PARD3B: variants seen among roughly 807,000 people sequenced by gnomAD.
The protein encoded by PARD3B is partitioning defective 3 homolog B.
Under a neutral mutation model 130.2 loss-of-function variants are expected in PARD3B, and 103 were observed. The observed-to-expected ratio is 0.79, with a 90% CI of 0.67 to 0.93. PARD3B has a LOEUF of 0.93. Ranked by LOEUF, PARD3B falls within the 40% of genes least tolerant of loss-of-function variation. The pLI is 0.00. For synonymous variants in PARD3B, 583 were observed against 553.2 expected, an observed-to-expected ratio of 1.05 and a Z score of -0.76; for missense variants, 1,609 against 1,499.2, an observed-to-expected ratio of 1.07 and a Z score of -1.21.
chr2:205,272,173 G>A (rs1467788121), intron 16 of PARD3B, among the ~76,000 whole-genome samples: 2 of 149,776 alleles, frequency 1.3e-5, no homozygotes, highest in East Asian at 1.9e-4. Flanking sequence ...AAAAAAAAAA[G>A]AAGATGCTTT....
rs56187840 is a variant in PARD3B at position 205,596,202 on chromosome 2, A to T, written c.3261-19254A>T. On this transcript the variant is annotated intron_variant, in intron 22 of 22. Coordinates refer to ENST00000406610, the MANE Select transcript of PARD3B (RefSeq NM_001302769.2). ...CCATGTAATGATCAGCCAGAGTAAG[A>T]AGAGACCAAGGCAGGATGGGGGAAA... 1.4e-4 allele frequency among the ~76,000 whole-genome samples: 22 copies of T among 152,348 alleles called. No homozygotes were observed. In the South Asian group the frequency reaches 2.7e-3, roughly 19 times the overall value.
At chr2:205,543,264 A>G (rs2052242014) in intron 21 of PARD3B, among the ~76,000 whole-genome samples, 2 of 152,220 alleles carry the variant, frequency 1.3e-5, no homozygotes, top group South Asian at 4.1e-4. Flanking sequence ...TACATAAACC[A>G]GGCTATTTTT....
intron 18 of PARD3B, among the ~76,000 whole-genome samples, chr2:205,330,671 G>A (rs983344719): frequency 6.6e-6 from 1 of 151,630 alleles, no homozygotes; most frequent in African/African-American, 2.4e-5. Flanking sequence ...ATTTATGACA[G>A]ACAATCAATC....
chr2:205,195,064 G>T (rs188947721), intron 15 of PARD3B, among the ~76,000 whole-genome samples: 2 of 150,866 alleles, frequency 1.3e-5, no homozygotes, highest in Non-Finnish European at 1.5e-5. Flanking sequence ...CTCCCAAAGT[G>T]CTGGGATTAC....
At chr2:205,507,316 G>A (rs891708602) in intron 21 of PARD3B, among the ~76,000 whole-genome samples, 3 of 142,636 alleles carry the variant, frequency 2.1e-5, no homozygotes, top group South Asian at 2.3e-4. Flanking sequence ...CGGGGTTCAC[G>A]GCATTCTCCT....
chr2:204,767,268 C>T (rs1464221369), intron 2 of PARD3B, among the ~76,000 whole-genome samples: 2 of 33,162 alleles, frequency 6.0e-5, no homozygotes, highest in South Asian at 1.1e-3. Flanking sequence ...TTTGTTCTTG[C>T]GATAGTTTAC....
rs1575531005 is a variant in PARD3B, at chr2:205,002,305, G to C, written c.394+36982G>C. 2.0e-5 allele frequency among the ~76,000 whole-genome samples: 3 copies of C among 152,260 alleles called. No individual in the cohort carries two copies. In the South Asian group the frequency reaches 6.2e-4, roughly 32 times the overall value. ...TAAAGCTTTAAATAGGTCACATTCT[G>C]GCTCTGACATTTCAGACAGACCACA... On this transcript the variant is annotated intron_variant, in intron 3 of 22. Transcript: ENST00000406610.
Position 205,309,833 on chromosome 2 carries a change from C to G in PARD3B, c.2630+8132C>G, listed in dbSNP as rs541930061. 5.8e-4 allele frequency among the ~76,000 whole-genome samples: 89 copies of G among 152,208 alleles called. 1 individual carries two copies. Among genetic ancestry groups the G allele is most frequent in the African/African-American group, 2.0e-3 (83 of 41,522 alleles). Reference sequence around the variant, plus strand: ...AGGTTGTTGTAAAATTTAAGTTAAACGGTTTAGGTAAGCAAAGCTGTCAGT... The same window carrying G: ...AGGTTGTTGTAAAATTTAAGTTAAAGGGTTTAGGTAAGCAAAGCTGTCAGT... On this transcript the variant is annotated intron_variant, in intron 18 of 22. Coordinates refer to ENST00000406610, the MANE Select transcript of PARD3B (RefSeq NM_001302769.2). The surrounding 1 kb of genome is among the most constrained non-coding windows in gnomAD (Gnocchi z 4.7).
rs1007040179 is a variant in PARD3B at position 205,341,420 on chromosome 2, T to A, written c.2630+39719T>A. On this transcript the variant is annotated intron_variant, in intron 18 of 22. Transcript: ENST00000406610. The surrounding 1 kb of genome is among the most constrained non-coding windows in gnomAD (Gnocchi z 4.3). ...GAATACTATTCAGCCATATAAAGAG[T>A]GAAATTCTGTCATTTGCAGCAACAT... Among the ~76,000 whole-genome samples the A allele has an allele frequency of 6.6e-6, 1 of 152,006 alleles. No individual in the cohort carries two copies. The highest frequency in any genetic ancestry group is 6.6e-5 in the Admixed American group (1 of 15,260).
At chr2:205,353,290 C>T (rs931282680) in intron 18 of PARD3B, among the ~76,000 whole-genome samples, 3 of 152,204 alleles carry the variant, frequency 2.0e-5, no homozygotes, top group Non-Finnish European at 4.4e-5. Context: ...CCCAGACCTG[C>T]ACTGGGCAGG....
intron 18 of PARD3B, among the ~76,000 whole-genome samples, chr2:205,368,365 G>T (rs773684306): frequency 2.6e-5 from 4 of 152,150 alleles, no homozygotes; most frequent in African/African-American, 4.8e-5. Context: ...GGGTTTGGTG[G>T]CTCACACCTC....
chr2:205,147,167 A>T (rs1412404915), intron 10 of PARD3B, among the ~76,000 whole-genome samples: 2 of 152,244 alleles, frequency 1.3e-5, no homozygotes, highest in African/African-American at 2.4e-5. Context: ...AGCAAGTTGT[A>T]GTTGTATAAT....
rs775429634 is a variant in PARD3B at position 205,033,250 on chromosome 2, A to G, written c.395-14331A>G. 2.0e-4 allele frequency among the ~76,000 whole-genome samples: 30 copies of G among 152,310 alleles called. 1 individual carries two copies. The highest frequency in any genetic ancestry group is 3.4e-4 in the Non-Finnish European group (23 of 68,024). On this transcript the variant is annotated intron_variant, in intron 3 of 22. Coordinates refer to ENST00000406610, the MANE Select transcript of PARD3B (RefSeq NM_001302769.2). ...TTAAGATTCACTTCATGGTATTTATAAGGGAATTACTAAAGAAATCATGGG... is the reference window on the plus strand; with the variant it reads ...TTAAGATTCACTTCATGGTATTTATGAGGGAATTACTAAAGAAATCATGGG...
intron 18 of PARD3B, among the ~76,000 whole-genome samples, chr2:205,396,992 C>T (rs2105997454): frequency 6.6e-6 from 1 of 151,998 alleles, no homozygotes; most frequent in South Asian, 2.1e-4. Flanking sequence ...CTTGGAAAGT[C>T]ACCAAGTTGA....
intron 1 of PARD3B, among the ~76,000 whole-genome samples, chr2:204,573,056 T>C (rs1258604619): frequency 6.6e-6 from 1 of 152,204 alleles, no homozygotes; most frequent in Non-Finnish European, 1.5e-5. Flanking sequence ...TGTGTCAACA[T>C]AGGTGACTGA....
chr2:204,708,285 A>C (rs990575568), intron 2 of PARD3B, among the ~76,000 whole-genome samples: 25 of 152,148 alleles, frequency 1.6e-4, no homozygotes, highest in Non-Finnish European at 1.0e-4. Context: ...CAGGGATTAC[A>C]TTGTGCCCAG....
intron 20 of PARD3B, among the ~76,000 whole-genome samples, chr2:205,468,056 G>A (rs1302999677): frequency 6.6e-6 from 1 of 152,196 alleles, no homozygotes; most frequent in Non-Finnish European, 1.5e-5. Context: ...ACCAGGCCTA[G>A]GTCTGCTTTC....
At chr2:205,251,604 G>A (rs955997852) in intron 16 of PARD3B, among the ~76,000 whole-genome samples, 51 of 152,108 alleles carry the variant, frequency 3.4e-4, no homozygotes, top group Non-Finnish European at 3.4e-4. Flanking sequence ...ATTGTGTTGA[G>A]TCTTATTATT....
Position 205,176,716 on chromosome 2 carries a change from T to G in PARD3B, c.1924+139T>G, listed in dbSNP as rs1341346117. 10 of 965,484 alleles carry G rather than the reference T, an allele frequency of 1.0e-5. No individual in the cohort carries two copies. Among genetic ancestry groups the G allele is most frequent in the Non-Finnish European group, 8.7e-6 (6 of 690,844 alleles). 59.8% of individuals were successfully genotyped at this position (965,484 alleles called of 1,614,324 possible). ...CTTTGTTACTCGGAGTCACAAACAC[T>G]GAGAGAGTTGGGGGAGAGCTGACTC... On this transcript the variant is annotated intron_variant, in intron 13 of 22. Transcript: ENST00000406610. This position sits in a 1 kb window ranked among gnomAD's most constrained non-coding sequence, Gnocchi z 5.3.
Sources: gnomAD v4.1 joint callset for allele counts (sites outside exome capture counted in the v4.1 genomes callset) on GRCh38, gnomAD v4.1.1 for gene constraint, Gnocchi (gnomAD v3.1) non-coding constraint, MANE v1.5 for transcripts, NCBI Gene and HGNC (gene_info 2026-07-23, HGNC 2026-07-21) for gene names.